Variants in UTRN observed in about 807,000 individuals in gnomAD.
The protein encoded by UTRN is utrophin.
In UTRN, 283 loss-of-function variants were observed where a neutral mutation model predicts 463.9. The ratio of observed to expected loss-of-function variants is 0.61; its 90% CI spans 0.55 to 0.67. The LOEUF is 0.67. Among genes scored for constraint, UTRN ranks in the 30% least tolerant of loss-of-function variants. The probability of loss-of-function intolerance (pLI) is 0.00; values close to 1 mark genes in which losing one functional copy is unlikely to be tolerated. For missense variants in UTRN, 3,922 were observed against 4,084.3 expected (o/e 0.96, Z 1.08); for synonymous variants, 1,442 against 1,431.5 (o/e 1.01, Z -0.17).
intron 33 of UTRN, 118 bp from the exon 34 acceptor site, chr6:144,499,139 G>T: frequency 1.9e-6 from 2 of 1,073,610 alleles, no homozygotes; most frequent in East Asian, 5.2e-5. Flanking sequence ...CAAAGGTTAT[G>T]TATGTCTTGG....
intron 2 of UTRN, among the ~76,000 whole-genome samples, chr6:144,362,163 G>A (rs994039564): frequency 6.6e-6 from 1 of 152,132 alleles, no homozygotes; most frequent in African/African-American, 2.4e-5. Flanking sequence ...TCCTACATGG[G>A]TGGGGTGGGA....
At chr6:144,320,904 A>T (rs1221071859) in intron 2 of UTRN, among the ~76,000 whole-genome samples, 19 of 152,198 alleles carry the variant, frequency 1.2e-4, no homozygotes, top group Admixed American at 1.2e-3. Context: ...CACCAGATTT[A>T]CTTATTGTCT....
chr6:144,360,862 G>GTTTC (rs879521168), intron 2 of UTRN, among the ~76,000 whole-genome samples: 23 of 152,042 alleles, frequency 1.5e-4, no homozygotes, highest in Non-Finnish European at 3.1e-4. Context: ...CTACTCCCTA[G>GTTTC]CAGTGTTTCC....
At chr6:144,810,031 G>A (rs554214511) in intron 65 of UTRN, among the ~76,000 whole-genome samples, 244 of 152,268 alleles carry the variant, frequency 1.6e-3, no homozygotes, top group African/African-American at 5.5e-3. Flanking sequence ...GGACAGTTGC[G>A]TAGAAGTATG....
At chr6:144,575,502 C>T (rs910313620) in intron 50 of UTRN, among the ~76,000 whole-genome samples, 4 of 152,120 alleles carry the variant, frequency 2.6e-5, no homozygotes, top group African/African-American at 9.7e-5. Flanking sequence ...CCCCCCTTAT[C>T]TGTGGTTTTG....
At chr6:144,551,220 G>A (rs1240297388) in intron 48 of UTRN, 138 bp downstream of exon 48, 1 of 553,398 alleles carries the variant, frequency 1.8e-6, no homozygotes, top group East Asian at 3.2e-5. Flanking sequence ...TTTAATATTT[G>A]TTACTCTTTA....
intron 27 of UTRN, among the ~76,000 whole-genome samples, 170 bp from the exon 28 acceptor site, chr6:144,485,215 C>T (rs934660107): frequency 2.8e-4 from 42 of 152,122 alleles, no homozygotes; most frequent in East Asian, 3.9e-4. Flanking sequence ...TGAGCCACCA[C>T]GCCTGGCCGA....
intron 23 of UTRN, among the ~76,000 whole-genome samples, chr6:144,463,919 T>A (rs75848410): frequency 0.031 from 4,624 of 151,488 alleles, 254 homozygotes; most frequent in African/African-American, 0.1. Context: ...ATATACATCT[T>A]TATTTATATA....
intron 51 of UTRN, among the ~76,000 whole-genome samples, chr6:144,613,582 G>A (rs1805752631): frequency 1.3e-5 from 2 of 151,982 alleles, no homozygotes; most frequent in African/African-American, 4.8e-5. Context: ...GCAAAATTAT[G>A]GTTATGGAAA....
chr6:144,748,295 A>G lies in UTRN; in HGVS notation c.7989A>G (p.Lys2663=), dbSNP rs1212951277. The G allele has an allele frequency of 1.2e-6, 2 of 1,613,212 alleles. No homozygotes were observed. Residue 2663 remains lysine, a synonymous_variant, in exon 55 of 75, where the codon AAA becomes AAG. Coordinates refer to ENST00000367545, the MANE Select transcript of UTRN (RefSeq NM_007124.3). ...RAQKIAKAMR[K]QSSEVKEKWE... ...AAAAGATTGCCAAAGCCATGCGCAA[A>G]CAGTCTTCTGAAGTCAAAGAAAAAT...
In UTRN at chr6:144,438,905, T is replaced by G; in HGVS notation, c.1392+10T>G. 5 of 1,613,686 alleles carry G rather than the reference T, an allele frequency of 3.1e-6. No individual in the cohort carries two copies. Among genetic ancestry groups the G allele is most frequent in the Non-Finnish European group, 4.2e-6 (5 of 1,179,750 alleles). On this transcript the variant is annotated intron_variant, in intron 12 of 74. Transcript: ENST00000367545. ...GCTAGAAGAACATAAAGTAAATCTG[T>G]CTCATATTTCTTCGATACCTTATCA...
intron 60 of UTRN, among the ~76,000 whole-genome samples, chr6:144,778,535 A>C (rs981767954): frequency 6.6e-6 from 1 of 152,072 alleles, no homozygotes; most frequent in African/African-American, 2.4e-5. Flanking sequence ...TCAGGCTCAC[A>C]GAATGAAATG....
At chr6:144,382,894 G>C (rs1033210127) in intron 2 of UTRN, among the ~76,000 whole-genome samples, 2 of 152,068 alleles carry the variant, frequency 1.3e-5, no homozygotes, top group African/African-American at 2.4e-5. Context: ...TCAGTGTTAC[G>C]TTTTAGATCA....
Position 144,514,808 on chromosome 6 carries a change from C to A in UTRN, c.5232C>A (p.Ile1744=). ...ACTTTGAAAAGGTGTCTCAACATAT[C>A]AAAAGTGCCAAAGTGAGTAATTATG... The part of the protein sequence containing the change: ...NRNFEKVSQH[I]KSAKLLIAQE... The change falls in exon 37 of 75, where the codon ATC becomes ATA. Residue 1744 remains isoleucine, a synonymous_variant. Coordinates refer to ENST00000367545, the MANE Select transcript of UTRN (RefSeq NM_007124.3). The A allele has an allele frequency of 6.2e-7, 1 of 1,612,736 alleles. No homozygotes were observed. Among genetic ancestry groups the A allele is most frequent in the Non-Finnish European group, 8.5e-7 (1 of 1,179,612 alleles).
At chr6:144,477,872 TATCTATCTATCTATC>T (rs1791405372) in intron 25 of UTRN, among the ~76,000 whole-genome samples, 10 of 120,288 alleles carry the variant, frequency 8.3e-5, no homozygotes, top group African/African-American at 2.8e-4. Flanking sequence ...TTTGTATCTC[TATCTATCTATCTATC>T]TATCTATCTA....
rs754842416 is a variant in UTRN, at chr6:144,730,340, T to C, written c.7810-17T>C. 1.3e-6 allele frequency: 2 copies of C among 1,563,326 alleles called. No individual in the cohort carries two copies. The highest frequency in any genetic ancestry group is 2.4e-5 in the South Asian group (2 of 83,482). On this transcript the variant is annotated splice_polypyrimidine_tract_variant and intron_variant, in intron 53 of 74. Coordinates refer to ENST00000367545, the MANE Select transcript of UTRN (RefSeq NM_007124.3). The stretch of plus-strand genomic sequence containing the variant: ...CACGTGAGGTTACAAACTCAACTTT[T>C]GCTTCTCTTTTGAAAGGCCCTGAGA...
At position 144,382,309 on chromosome 6, in the gene UTRN, C is replaced by A. The variant is rs563431533; in HGVS notation, c.80-20814C>A. 1.4e-4 allele frequency among the ~76,000 whole-genome samples: 22 copies of A among 152,334 alleles called. No homozygotes were observed. The South Asian group carries it at 3.7e-3, about 26-fold the overall frequency. On this transcript the variant is annotated intron_variant, in intron 2 of 74. Transcript: ENST00000367545. ...TAAGCTTTGTGATGATTTGGTATAA[C>A]AAAGTGGTAAAGTTTTTATTATCTT...
At chr6:144,704,007 A>C (rs1586116894) in intron 53 of UTRN, among the ~76,000 whole-genome samples, 1 of 152,290 alleles carries the variant, frequency 6.6e-6, no homozygotes, top group African/African-American at 2.4e-5. Context: ...TCAGTGATGC[A>C]GGAGAGAGGA....
In UTRN at chr6:144,458,921, G is replaced by T. The variant is rs1789136168; in HGVS notation, c.2436G>T (p.Lys812Asn). The T allele has an allele frequency of 1.2e-6, 2 of 1,613,816 alleles. No homozygotes were observed. The highest frequency in any genetic ancestry group is 1.7e-6 in the Non-Finnish European group (2 of 1,179,950). The change falls in exon 20 of 75, where the codon AAG (lysine) becomes AAT (asparagine). Residue 812 changes from lysine (K) to asparagine (N), a missense_variant. Lys to Asn is a moderately conservative substitution (Grantham distance 94, BLOSUM62 0). Around this residue, in one of 3 missense-constraint regions of UTRN, gnomAD observed 2,349 missense variants for 2,303.8 expected, o/e 1.02. Coordinates refer to ENST00000367545, the MANE Select transcript of UTRN (RefSeq NM_007124.3). ...TCAAGCAGCTTGATGAGCTTGAAAAGGTCATCAAGACAAAGGAGGAGTGGG... is the reference window on the plus strand; with the variant it reads ...TCAAGCAGCTTGATGAGCTTGAAAATGTCATCAAGACAAAGGAGGAGTGGG... ...AYFKQLDELE[K>N]VIKTKEEWVK...
Sources: gnomAD v4.1 joint callset for allele counts (sites outside exome capture counted in the v4.1 genomes callset) on GRCh38, gnomAD v4.1.1 for gene constraint, gnomAD v4.1.1 regional missense constraint, MANE v1.5 for transcripts, NCBI Gene and HGNC (gene_info 2026-07-23, HGNC 2026-07-21) for gene names.